Variants in ITPR2 observed in about 807,000 individuals in gnomAD.
The protein encoded by ITPR2 is inositol 1,4,5-trisphosphate-gated calcium channel ITPR2.
In ITPR2, 207 loss-of-function variants were observed where a neutral mutation model predicts 317.1. The observed-to-expected ratio is 0.65, with a 90% CI of 0.58 to 0.73. The LOEUF (loss-of-function observed/expected upper bound fraction) is 0.73, where lower values mean the gene tolerates loss of function less well. Ranked by LOEUF, ITPR2 falls within the 30% of genes least tolerant of loss-of-function variation. The pLI is 0.00. For synonymous variants in ITPR2, 1,156 were observed against 1,149.1 expected (o/e 1.01, Z -0.12); for missense variants, 2,613 against 3,284.0 (o/e 0.80, Z 4.99).
At chr12:26,626,828 T>C (rs1016306547) in intron 23 of ITPR2, among the ~76,000 whole-genome samples, 26 of 152,218 alleles carry the variant, frequency 1.7e-4, no homozygotes, top group African/African-American at 6.3e-4. Context: ...GTCACAGTGG[T>C]GGCAGTTAGA....
chr12:26,823,096 A>G (rs1327980634), intron 1 of ITPR2, among the ~76,000 whole-genome samples: 2 of 152,104 alleles, frequency 1.3e-5, no homozygotes, highest in Non-Finnish European at 2.9e-5. Flanking sequence ...AGGTCATCCC[A>G]ATCAGGAGAG....
chr12:26,773,233 A>C (rs1025912655), intron 2 of ITPR2, among the ~76,000 whole-genome samples: 4 of 152,274 alleles, frequency 2.6e-5, no homozygotes, highest in African/African-American at 9.6e-5. Flanking sequence ...AAGTAGGCTA[A>C]CATGGAGAAA....
chr12:26,390,682 T>C (rs987965615), intron 54 of ITPR2, among the ~76,000 whole-genome samples: 1 of 152,184 alleles, frequency 6.6e-6, no homozygotes, highest in African/African-American at 2.4e-5. Context: ...GATGCACAAC[T>C]CTGAATATAC....
intron 34 of ITPR2, among the ~76,000 whole-genome samples, chr12:26,575,863 T>C (rs1255224045): frequency 6.6e-6 from 1 of 152,212 alleles, no homozygotes; most frequent in African/African-American, 2.4e-5. Context: ...GGAATTTCAC[T>C]TGTGGCTCCA....
chr12:26,533,752 T>C (rs1176174773), intron 37 of ITPR2, among the ~76,000 whole-genome samples: 1 of 152,080 alleles, frequency 6.6e-6, no homozygotes, highest in Non-Finnish European at 1.5e-5. Flanking sequence ...CCTGGGACAG[T>C]TCCTTCTCTC....
intron 46 of ITPR2, among the ~76,000 whole-genome samples, chr12:26,443,259 A>G (rs1344288480): frequency 2.0e-5 from 3 of 152,144 alleles, no homozygotes; most frequent in Non-Finnish European, 4.4e-5. Flanking sequence ...CATCTCTCAA[A>G]CGCTATTGCT....
chr12:26,376,095 C>CA (rs1450401134), intron 55 of ITPR2, among the ~76,000 whole-genome samples: 1 of 152,218 alleles, frequency 6.6e-6, no homozygotes, highest in Non-Finnish European at 1.5e-5. Flanking sequence ...TCAAAAAAGA[C>CA]ACTAAAATCT....
At chr12:26,661,525 A>G (rs1369187390) in intron 15 of ITPR2, among the ~76,000 whole-genome samples, 1 of 152,136 alleles carries the variant, frequency 6.6e-6, no homozygotes, top group African/African-American at 2.4e-5. Context: ...ACAGGGCTAT[A>G]GAAAAGGGAA....
intron 37 of ITPR2, among the ~76,000 whole-genome samples, chr12:26,543,745 G>C (rs1944321257): frequency 6.6e-6 from 1 of 152,068 alleles, no homozygotes; most frequent in Non-Finnish European, 1.5e-5. Context: ...CTCCAGCCTG[G>C]GTGGCAGAGC....
intron 40 of ITPR2, chr12:26,486,669 T>C (rs2136849923): frequency 2.0e-6 from 1 of 511,736 alleles, no homozygotes; most frequent in East Asian, 4.6e-5. Context: ...TTCAAAATGT[T>C]AATGTCTTTA....
chr12:26,614,013 T>TA (rs555243874), intron 26 of ITPR2, among the ~76,000 whole-genome samples: 45 of 151,962 alleles, frequency 3.0e-4, no homozygotes, highest in African/African-American at 1.0e-3. Context: ...TTCATGACAA[T>TA]AAAAAATCAC....
chr12:26,625,025 C>G (rs1347068890), intron 23 of ITPR2, among the ~76,000 whole-genome samples: 1 of 152,046 alleles, frequency 6.6e-6, no homozygotes, highest in African/African-American at 2.4e-5. Context: ...GAATGAGATC[C>G]TGTCATCTGC....
At chr12:26,605,121 AT>A (rs66768057) in intron 26 of ITPR2, among the ~76,000 whole-genome samples, 12,825 of 105,884 alleles carry the variant, frequency 0.12, 1,003 homozygotes, top group African/African-American at 0.24. Context: ...AAAATAAAAA[AT>A]AAAAATATAT....
chr12:26,543,071 A>G (rs1944304136), intron 37 of ITPR2, among the ~76,000 whole-genome samples: 1 of 152,156 alleles, frequency 6.6e-6, no homozygotes, highest in Non-Finnish European at 1.5e-5. Context: ...ATGCTCTATA[A>G]ATCTTGATGA....
Position 26,339,137 on chromosome 12 carries a change from T to C in ITPR2, c.*260A>G, listed in dbSNP as rs143526916. ...CTGCCGCTCCCTGCCCTCTCCAGCCTTTTGGGCAAGCCTTTTCTTCCTGAT... is the reference window on the plus strand; with the variant it reads ...CTGCCGCTCCCTGCCCTCTCCAGCCCTTTGGGCAAGCCTTTTCTTCCTGAT... On this transcript the variant is annotated 3_prime_UTR_variant, in exon 57 of 57. Transcript: ENST00000381340. The C allele has an allele frequency of 3.8e-3, 1,468 of 384,214 alleles. 64 individuals carry two copies. The Admixed American group carries it at 0.057, about 15-fold the overall frequency. The allele number at this position is 384,214 out of a possible 1,614,324, so 23.8% of individuals were successfully genotyped here.
At chr12:26,620,722 T>C (rs1312176312) in intron 26 of ITPR2, among the ~76,000 whole-genome samples, 1 of 152,102 alleles carries the variant, frequency 6.6e-6, no homozygotes, top group Non-Finnish European at 1.5e-5. Context: ...TATAAGGATA[T>C]GCATAATGAT....
At chr12:26,764,879 A>T (rs540215354) in intron 2 of ITPR2, among the ~76,000 whole-genome samples, 115 of 152,100 alleles carry the variant, frequency 7.6e-4, no homozygotes, top group Non-Finnish European at 1.4e-3. Context: ...TATTTTACTT[A>T]ACCATTCCTA....
At chr12:26,738,354 T>C (rs78494481) in intron 2 of ITPR2, among the ~76,000 whole-genome samples, 24,544 of 152,034 alleles carry the variant, frequency 0.16, 2,751 homozygotes, top group Non-Finnish European at 0.24. Flanking sequence ...GGAGGAAAGG[T>C]AGGACTTCCA....
In ITPR2 at chr12:26,643,690, G is replaced by C. The variant is rs565623259; in HGVS notation, c.2740+10286C>G. Reference sequence around the variant, plus strand: ...ATAAAGTAGCAATAAACTTGGCTGAGTTGTATTCATGCCCTACTGATTTAT... The same window carrying C: ...ATAAAGTAGCAATAAACTTGGCTGACTTGTATTCATGCCCTACTGATTTAT... On this transcript the variant is annotated intron_variant, in intron 21 of 56. Transcript: ENST00000381340. 1.6e-4 allele frequency among the ~76,000 whole-genome samples: 25 copies of C among 152,214 alleles called. 1 individual carries two copies. Among genetic ancestry groups the C allele is most frequent in the South Asian group, 8.3e-4 (4 of 4,836 alleles).
Sources: gnomAD v4.1 joint callset for allele counts (sites outside exome capture counted in the v4.1 genomes callset) on GRCh38, gnomAD v4.1.1 for gene constraint, MANE v1.5 for transcripts, NCBI Gene and HGNC (gene_info 2026-07-23, HGNC 2026-07-21) for gene names.